Variants in AGBL1 observed in about 807,000 individuals in gnomAD.
AGBL1 encodes the protein cytosolic carboxypeptidase 4.
A neutral mutation model predicts 118.9 loss-of-function variants in AGBL1; 130 were observed. The observed-to-expected ratio is 1.09, with a 90% CI of 0.95 to 1.26. The LOEUF is 1.26. AGBL1 is among the 50% of genes most tolerant of loss of function. The probability of loss-of-function intolerance (pLI) is 0.00; values close to 1 mark genes in which losing one functional copy is unlikely to be tolerated. For synonymous variants in AGBL1, 555 were observed against 478.9 expected (o/e 1.16, Z -2.08); for missense variants, 1,584 against 1,298.1 (o/e 1.22, Z -3.38).
At chr15:86,859,605 G>A (rs1334351974) in intron 22 of AGBL1, among the ~76,000 whole-genome samples, 1 of 152,110 alleles carries the variant, frequency 6.6e-6, no homozygotes, top group Non-Finnish European at 1.5e-5. Context: ...CTGCTATCTG[G>A]ACAAATGCCA....
intron 18 of AGBL1, among the ~76,000 whole-genome samples, chr15:86,492,167 T>C (rs994733793): frequency 1.3e-5 from 2 of 152,040 alleles, no homozygotes; most frequent in Non-Finnish European, 2.9e-5. Flanking sequence ...GATGCAAGCA[T>C]ATAGAAGAAA....
intron 23 of AGBL1, among the ~76,000 whole-genome samples, chr15:86,955,884 T>C (rs567948899): frequency 7.9e-5 from 12 of 152,134 alleles, no homozygotes; most frequent in Non-Finnish European, 1.0e-4. Flanking sequence ...AATTCAATAA[T>C]ATATATGTTA....
At chr15:86,411,246 G>A (rs2081615551) in intron 18 of AGBL1, among the ~76,000 whole-genome samples, 1 of 151,876 alleles carries the variant, frequency 6.6e-6, no homozygotes, top group Admixed American at 6.6e-5. Flanking sequence ...GGTGCATGGA[G>A]TCTGTCTTCC....
chr15:86,890,815 G>A (rs2080042199), intron 22 of AGBL1, among the ~76,000 whole-genome samples: 2 of 152,236 alleles, frequency 1.3e-5, no homozygotes, highest in South Asian at 4.1e-4. Context: ...TTTGAAGTCA[G>A]GTAGCATAAT....
intron 21 of AGBL1, among the ~76,000 whole-genome samples, chr15:86,655,074 A>G (rs553337089): frequency 1.3e-5 from 2 of 152,294 alleles, no homozygotes; most frequent in African/African-American, 2.4e-5. Flanking sequence ...AAGGGAGGTA[A>G]GGGAAGAGCC....
chr15:86,171,943 A>C (rs1258193693), intron 5 of AGBL1, among the ~76,000 whole-genome samples: 3 of 152,216 alleles, frequency 2.0e-5, no homozygotes, highest in African/African-American at 7.2e-5. Context: ...CTCAAGAATA[A>C]AAAACCAAAC....
At chr15:86,959,252 T>G (rs1013393154) in intron 23 of AGBL1, among the ~76,000 whole-genome samples, 1 of 152,160 alleles carries the variant, frequency 6.6e-6, no homozygotes, top group Non-Finnish European at 1.5e-5. Flanking sequence ...AAAGGTATTC[T>G]TGTCCAATTG....
intron 21 of AGBL1, among the ~76,000 whole-genome samples, chr15:86,633,360 T>C (rs2085009907): frequency 6.6e-6 from 1 of 152,156 alleles, no homozygotes; most frequent in Non-Finnish European, 1.5e-5. Context: ...TTATGTAATA[T>C]GGTCACCTGC....
At chr15:86,394,458 T>C (rs1397037938) in intron 17 of AGBL1, among the ~76,000 whole-genome samples, 1 of 152,140 alleles carries the variant, frequency 6.6e-6, no homozygotes. Context: ...CGAATGCATG[T>C]CATTCAAGGT....
chr15:86,909,976 C>G lies in AGBL1; in HGVS notation c.*2682C>G, dbSNP rs2080328742. 6.6e-6 allele frequency: 1 copy of G among 152,204 alleles called. No individual in the cohort carries two copies. The allele number at this position is 152,204 out of a possible 1,614,324, so 9.4% of individuals were successfully genotyped here. ...GTATATTTAACCCCTAACTGTGGGT[C>G]ATGCACTTTACTAAGCTCTACGGAT... On this transcript the variant is annotated 3_prime_UTR_variant, in exon 23 of 23. Transcript: ENST00000614907.
At chr15:86,745,498 C>T (rs2077742985) in intron 22 of AGBL1, among the ~76,000 whole-genome samples, 1 of 151,976 alleles carries the variant, frequency 6.6e-6, no homozygotes, top group Non-Finnish European at 1.5e-5. Flanking sequence ...AACTACTGCC[C>T]AGAGAGGCTC....
Position 86,664,736 on chromosome 15 carries a change from T to C in AGBL1, c.2995-9537T>C, listed in dbSNP as rs554352789. ...AAACTAGATAGGCCTAACCAGCTCA[T>C]TCCTTTGCCTTTTATTATTGAATAT... On this transcript the variant is annotated intron_variant, in intron 21 of 22. Coordinates refer to ENST00000614907, the MANE Select transcript of AGBL1 (RefSeq NM_001386094.1). Among the ~76,000 whole-genome samples, 3 of 152,276 alleles carry C rather than the reference T, an allele frequency of 2.0e-5. No homozygotes were observed. In the South Asian group the frequency reaches 6.2e-4, roughly 32 times the overall value.
intron 23 of AGBL1, among the ~76,000 whole-genome samples, chr15:86,928,888 TGTG>T (rs924670246): frequency 7.9e-5 from 12 of 152,222 alleles, no homozygotes; most frequent in African/African-American, 2.2e-4. Context: ...TATTTTTTAT[TGTG>T]GTAAAATATG....
chr15:86,357,425 G>A (rs1162948304), intron 17 of AGBL1, among the ~76,000 whole-genome samples: 1 of 151,896 alleles, frequency 6.6e-6, no homozygotes, highest in Non-Finnish European at 1.5e-5. Context: ...TGATAACCCA[G>A]ATATTAAAAT....
At chr15:86,233,383 T>C (rs1476827136) in intron 6 of AGBL1, among the ~76,000 whole-genome samples, 3 of 149,428 alleles carry the variant, frequency 2.0e-5, no homozygotes, top group African/African-American at 7.6e-5. Flanking sequence ...GCAAAACCTT[T>C]TTTTTTTTTT....
intron 18 of AGBL1, among the ~76,000 whole-genome samples, chr15:86,429,700 T>G (rs1031809832): frequency 1.3e-5 from 2 of 152,254 alleles, no homozygotes; most frequent in African/African-American, 4.8e-5. Context: ...TGTCTACATT[T>G]TTCATTTTAT....
intron 21 of AGBL1, among the ~76,000 whole-genome samples, chr15:86,564,285 T>G (rs889159286): frequency 6.6e-6 from 1 of 152,230 alleles, no homozygotes; most frequent in Non-Finnish European, 1.5e-5. Flanking sequence ...TTCCTTTCCA[T>G]GTTTAGTGCT....
chr15:86,828,284 C>T (rs571027854), intron 22 of AGBL1, among the ~76,000 whole-genome samples: 3 of 152,060 alleles, frequency 2.0e-5, no homozygotes, highest in African/African-American at 7.2e-5. Flanking sequence ...CTTGATCATT[C>T]TGGCAGGCTG....
chr15:86,894,249 CA>C (rs2080091521), intron 22 of AGBL1, among the ~76,000 whole-genome samples: 1 of 152,118 alleles, frequency 6.6e-6, no homozygotes, highest in African/African-American at 2.4e-5. Context: ...TATTTTCTTT[CA>C]TTTATATTTA....
Sources: gnomAD v4.1 joint callset for allele counts (sites outside exome capture counted in the v4.1 genomes callset) on GRCh38, gnomAD v4.1.1 for gene constraint, MANE v1.5 for transcripts, NCBI Gene and HGNC (gene_info 2026-07-23, HGNC 2026-07-21) for gene names.